C1orf87: variants seen among roughly 807,000 people sequenced by gnomAD.
C1orf87 encodes the protein uncharacterized protein C1orf87.
Under a neutral mutation model 60.5 loss-of-function variants are expected in C1orf87, and 58 were observed. The observed-to-expected ratio is 0.96, with a 90% CI of 0.78 to 1.19. The LOEUF is 1.19. C1orf87 is among the 50% of genes most tolerant of loss of function. C1orf87 has a pLI of 0.00. For synonymous variants in C1orf87, 236 were observed against 227.4 expected (o/e 1.04, Z -0.34); for missense variants, 673 against 638.6 (o/e 1.05, Z -0.58).
At chr1:60,041,372 G>T (rs572697123) in intron 3 of C1orf87, among the ~76,000 whole-genome samples, 1 of 152,284 alleles carries the variant, frequency 6.6e-6, no homozygotes, top group South Asian at 2.1e-4. Flanking sequence ...ACTTAGGTAT[G>T]TCTCATTTGG....
Position 59,990,545 on chromosome 1 carries a change from T to A in C1orf87, c.*128A>T, listed in dbSNP as rs1644913228. The A allele has an allele frequency of 8.8e-7, 1 of 1,132,282 alleles. No individual in the cohort carries two copies. The allele number at this position is 1,132,282 out of a possible 1,614,324, so 70.1% of individuals were successfully genotyped here. On this transcript the variant is annotated 3_prime_UTR_variant, in exon 12 of 12. Coordinates refer to ENST00000371201, the MANE Select transcript of C1orf87 (RefSeq NM_152377.3). ...AGAAACTAAGTCCAAATCAAAAGCA[T>A]CTACAATAGCTGCATCGGCCTCCAC...
chr1:60,038,979 G>T (rs34594413), intron 5 of C1orf87, among the ~76,000 whole-genome samples: 19,314 of 152,054 alleles, frequency 0.13, 1,525 homozygotes, highest in East Asian at 0.22. Flanking sequence ...TATTCATATG[G>T]GTTGCAGTAA....
intron 2 of C1orf87, among the ~76,000 whole-genome samples, chr1:60,060,131 TATC>T (rs1368897414): frequency 1.3e-5 from 2 of 151,542 alleles, no homozygotes; most frequent in Non-Finnish European, 2.9e-5. Flanking sequence ...CATGTACTAT[TATC>T]ATAGAAATTT....
chr1:60,019,457 A>G (rs1645147247), intron 8 of C1orf87, among the ~76,000 whole-genome samples: 1 of 152,202 alleles, frequency 6.6e-6, no homozygotes, highest in African/African-American at 2.4e-5. Context: ...ACAGACTGAT[A>G]CAGAAAATTG....
At chr1:60,015,529 G>C (rs1645119056) in intron 8 of C1orf87, among the ~76,000 whole-genome samples, 1 of 152,134 alleles carries the variant, frequency 6.6e-6, no homozygotes, top group Admixed American at 6.5e-5. Context: ...GAGGCTACAA[G>C]TCCAAGATCA....
At chr1:60,052,710 A>G (rs1246640223) in intron 3 of C1orf87, among the ~76,000 whole-genome samples, 2 of 152,220 alleles carry the variant, frequency 1.3e-5, no homozygotes, top group East Asian at 1.9e-4. Context: ...ATTGCCTGTT[A>G]CGTCCCAGGC....
intron 8 of C1orf87, among the ~76,000 whole-genome samples, chr1:60,016,155 C>A (rs1033886761): frequency 6.6e-6 from 1 of 152,152 alleles, no homozygotes; most frequent in Non-Finnish European, 1.5e-5. Context: ...GCCTTAACAG[C>A]CCTAACAGAA....
chr1:60,010,880 A>AAATG (rs1341745192), intron 8 of C1orf87: 6 of 90,168 alleles, frequency 6.7e-5, no homozygotes, highest in Admixed American at 2.4e-4. Context: ...TGATATAAAT[A>AAATG]AATAAATAAA....
chr1:60,059,031 G>A (rs959305950), intron 2 of C1orf87, among the ~76,000 whole-genome samples: 1 of 152,122 alleles, frequency 6.6e-6, no homozygotes, highest in Non-Finnish European at 1.5e-5. Context: ...AGTCCCTGTA[G>A]ATGTAAAACC....
At chr1:60,062,962 T>C (rs181992349) in intron 2 of C1orf87, among the ~76,000 whole-genome samples, 253 of 152,252 alleles carry the variant, frequency 1.7e-3, no homozygotes, top group Non-Finnish European at 2.7e-3. Context: ...TATGCTTCTT[T>C]ATACTTCTCA....
intron 3 of C1orf87, among the ~76,000 whole-genome samples, chr1:60,044,988 A>G (rs973421248): frequency 2.0e-5 from 3 of 152,252 alleles, no homozygotes; most frequent in African/African-American, 7.2e-5. Flanking sequence ...GGAACTTGCA[A>G]GAGTTGGAAA....
In C1orf87 at chr1:59,990,842, G is replaced by A. The variant is rs1347924634; in HGVS notation, c.1481-9C>T. 6.2e-7 allele frequency: 1 copy of A among 1,613,348 alleles called. No individual in the cohort carries two copies. Among genetic ancestry groups the A allele is most frequent in the South Asian group, 1.1e-5 (1 of 90,978 alleles). On this transcript the variant is annotated splice_polypyrimidine_tract_variant and intron_variant, in intron 11 of 11. Coordinates refer to ENST00000371201, the MANE Select transcript of C1orf87 (RefSeq NM_152377.3). ...TTCCTTCTCCAGAACTCCTGTGATT[G>A]GATTGGGTAGGAGGAAGGTTTTTTA...
intron 11 of C1orf87, among the ~76,000 whole-genome samples, chr1:59,994,560 A>G (rs1644949999): frequency 6.6e-6 from 1 of 152,268 alleles, no homozygotes; most frequent in East Asian, 1.9e-4. Flanking sequence ...AACACTTTCT[A>G]TTTAGCTTTC....
chr1:60,044,541 C>G (rs1013717280), intron 3 of C1orf87, among the ~76,000 whole-genome samples: 2 of 152,162 alleles, frequency 1.3e-5, no homozygotes, highest in East Asian at 3.9e-4. Flanking sequence ...GACACCCCCC[C>G]ACATCAAGAA....
chr1:60,073,257 C>T (rs574815420), intron 1 of C1orf87, among the ~76,000 whole-genome samples: 2 of 152,132 alleles, frequency 1.3e-5, no homozygotes, highest in Non-Finnish European at 2.9e-5. Flanking sequence ...AAATTGAACT[C>T]CTGCACAAGG....
chr1:60,052,262 C>T (rs1199675154), intron 3 of C1orf87, among the ~76,000 whole-genome samples: 1 of 152,194 alleles, frequency 6.6e-6, no homozygotes, highest in East Asian at 1.9e-4. Flanking sequence ...GAGTTTGTTG[C>T]TAGTCACACA....
chr1:60,002,892 C>A (rs1287937941), intron 9 of C1orf87, among the ~76,000 whole-genome samples: 1 of 149,920 alleles, frequency 6.7e-6, no homozygotes, highest in Non-Finnish European at 1.5e-5. Context: ...ACTAGTTCAA[C>A]CATTGTGGAA....
chr1:60,016,842 T>A (rs1645127825), intron 8 of C1orf87, among the ~76,000 whole-genome samples: 1 of 152,204 alleles, frequency 6.6e-6, no homozygotes, highest in African/African-American at 2.4e-5. Flanking sequence ...GGGCAAGAGA[T>A]CCTAAACTCA....
chr1:60,068,597 A>G (rs1645564330), intron 2 of C1orf87, among the ~76,000 whole-genome samples: 1 of 152,132 alleles, frequency 6.6e-6, no homozygotes, highest in Admixed American at 6.5e-5. Flanking sequence ...GTTGTGCCCA[A>G]TGACTCACCA....
Sources: allele counts gnomAD v4.1 joint callset (sites outside exome capture counted in the v4.1 genomes callset), GRCh38; gene constraint gnomAD v4.1.1; transcripts MANE v1.5; gene names NCBI Gene and HGNC (gene_info 2026-07-23, HGNC 2026-07-21).